The following FRMD5 variants were observed in gnomAD, a reference collection of about 807,000 sequenced individuals.
FRMD5 encodes FERM domain containing 5.
A neutral mutation model predicts 69.0 loss-of-function variants in FRMD5; 20 were observed. The ratio of observed to expected loss-of-function variants is 0.29; its 90% CI spans 0.20 to 0.42. FRMD5 has a LOEUF of 0.42. Ranked by LOEUF, FRMD5 falls within the 10% of genes least tolerant of loss-of-function variation. The pLI, the probability that FRMD5 is intolerant of heterozygous loss-of-function variation, is 1.00. For missense variants in FRMD5, 595 were observed against 708.6 expected, an observed-to-expected ratio of 0.84 and a Z score of 1.82; for synonymous variants, 271 against 260.1, an observed-to-expected ratio of 1.04 and a Z score of -0.40.
rs953503798 is a variant in FRMD5 at position 43,873,323 on chromosome 15, T to TAA, written c.*560_*561dup. ...CATTCTACATGGATGTTTACTTTTT[T>TAA]AAAAGTTCTGGCTGGCAAAAAAAAC... On this transcript the variant is annotated 3_prime_UTR_variant, in exon 14 of 14. Transcript: ENST00000417257. 145 of 1,502,252 alleles carry TAA rather than the reference T, an allele frequency of 9.7e-5. No homozygotes were observed. The African/African-American group carries it at 1.8e-3, about 19-fold the overall frequency. 93.1% of individuals were successfully genotyped at this position (1,502,252 alleles called of 1,614,324 possible). A position where few individuals can be genotyped will look rare whatever the true frequency, so the allele number is the denominator to read the frequency against.
upstream of FRMD5, among the ~76,000 whole-genome samples, chr15:44,196,502 A>AT (rs1323409094): frequency 2.6e-5 from 4 of 152,060 alleles, no homozygotes; most frequent in Non-Finnish European, 5.9e-5. Context: ...TAGAACATTA[A>AT]TGCTGTAATA....
At chr15:43,946,701 C>A (rs2089953273) in intron 1 of FRMD5, among the ~76,000 whole-genome samples, 1 of 152,128 alleles carries the variant, frequency 6.6e-6, no homozygotes, top group South Asian at 2.1e-4. Flanking sequence ...TGAAAGAGTT[C>A]TGCTAGATGG....
At chr15:44,178,783 A>G (rs2077945060) in intron 1 of FRMD5, among the ~76,000 whole-genome samples, 1 of 152,158 alleles carries the variant, frequency 6.6e-6, no homozygotes, top group Non-Finnish European at 1.5e-5. Flanking sequence ...ACCTGAGACC[A>G]GGAGTTCGAG....
chr15:43,969,701 G>A (rs1355202912), intron 1 of FRMD5, among the ~76,000 whole-genome samples: 2 of 152,112 alleles, frequency 1.3e-5, no homozygotes, highest in Middle Eastern at 3.2e-3. Flanking sequence ...AGCCCTGAGA[G>A]GACTGTACAT....
intron 1 of FRMD5, among the ~76,000 whole-genome samples, chr15:44,173,574 G>A (rs1204521016): frequency 6.6e-6 from 1 of 152,128 alleles, no homozygotes; most frequent in Non-Finnish European, 1.5e-5. Flanking sequence ...CTGGAGTGCA[G>A]TGGCACAATC....
chr15:44,057,413 T>C (rs1258460583), intron 1 of FRMD5, among the ~76,000 whole-genome samples: 2 of 152,186 alleles, frequency 1.3e-5, no homozygotes, highest in African/African-American at 4.8e-5. Context: ...GCTGAACTGT[T>C]CTATCTATCC....
At chr15:43,888,117 C>T (rs542725130) in intron 10 of FRMD5, 58 bp downstream of exon 10, 21 of 1,378,118 alleles carry the variant, frequency 1.5e-5, no homozygotes, top group South Asian at 1.3e-4. Flanking sequence ...CTCCTGTCAC[C>T]GACTCTCTCT....
At chr15:43,995,183 TA>T (rs1332617613) in intron 1 of FRMD5, among the ~76,000 whole-genome samples, 1 of 152,222 alleles carries the variant, frequency 6.6e-6, no homozygotes, top group Non-Finnish European at 1.5e-5. Flanking sequence ...ACATTTTAAA[TA>T]TCTAGATTAC....
At chr15:44,068,271 C>A (rs1344938178) in intron 1 of FRMD5, among the ~76,000 whole-genome samples, 1 of 152,052 alleles carries the variant, frequency 6.6e-6, no homozygotes, top group African/African-American at 2.4e-5. Context: ...AAACATATAG[C>A]CACACAAACT....
At chr15:43,888,945 A>C in intron 8 of FRMD5, 73 bp from the exon 9 acceptor site, 1 of 1,315,012 alleles carries the variant, frequency 7.6e-7, no homozygotes, top group Non-Finnish European at 1.1e-6. Flanking sequence ...GTAGATGCAC[A>C]GCCCACCCCA....
chr15:43,970,483 C>T (rs931217815), intron 1 of FRMD5, among the ~76,000 whole-genome samples: 4 of 152,106 alleles, frequency 2.6e-5, no homozygotes, highest in Admixed American at 6.5e-5. Flanking sequence ...TTGCTGTTGT[C>T]GTTGTTGAGA....
intron 1 of FRMD5, among the ~76,000 whole-genome samples, chr15:44,166,194 A>G (rs1218978749): frequency 6.6e-6 from 1 of 152,130 alleles, no homozygotes; most frequent in Non-Finnish European, 1.5e-5. Context: ...CATTTTTCAC[A>G]TGTTTATTAG....
At chr15:44,189,202 T>C (rs566699158) in intron 1 of FRMD5, among the ~76,000 whole-genome samples, 101 of 152,258 alleles carry the variant, frequency 6.6e-4, no homozygotes, top group African/African-American at 2.4e-3. Flanking sequence ...GATATGATAC[T>C]AGAAAGTTGG....
chr15:43,976,453 G>A (rs114628741), intron 1 of FRMD5, among the ~76,000 whole-genome samples: 76 of 152,230 alleles, frequency 5.0e-4, no homozygotes, highest in African/African-American at 1.5e-3. Flanking sequence ...AACAAGCAAC[G>A]CAATTTTTTT....
chr15:44,038,266 T>C (rs1298420761), intron 1 of FRMD5, among the ~76,000 whole-genome samples: 1 of 152,176 alleles, frequency 6.6e-6, no homozygotes, highest in Non-Finnish European at 1.5e-5. Context: ...TGATAGTTTC[T>C]TTTGCTGTGC....
At chr15:44,116,107 C>A (rs148493650) in intron 1 of FRMD5, among the ~76,000 whole-genome samples, 1 of 150,920 alleles carries the variant, frequency 6.6e-6, no homozygotes, top group Non-Finnish European at 1.5e-5. Context: ...GGAAGGAGTG[C>A]GATAAGGAAG....
chr15:43,946,542 G>A (rs1478689076), intron 1 of FRMD5, among the ~76,000 whole-genome samples: 1 of 152,170 alleles, frequency 6.6e-6, no homozygotes, highest in Non-Finnish European at 1.5e-5. Context: ...AGCCTCTGGG[G>A]TATCTCTAAC....
At chr15:44,158,084 G>T (rs920319067) in intron 1 of FRMD5, among the ~76,000 whole-genome samples, 1 of 152,134 alleles carries the variant, frequency 6.6e-6, no homozygotes, top group African/African-American at 2.4e-5. Context: ...TAAGGCAAAA[G>T]AAGTGACATA....
chr15:44,020,933 T>C (rs1566903297), intron 1 of FRMD5, among the ~76,000 whole-genome samples: 1 of 152,344 alleles, frequency 6.6e-6, no homozygotes, highest in East Asian at 1.9e-4. Flanking sequence ...ATATAATAGA[T>C]ACAAATATCT....
Sources: allele counts gnomAD v4.1 joint callset (sites outside exome capture counted in the v4.1 genomes callset), GRCh38; gene constraint gnomAD v4.1.1; transcripts MANE v1.5; gene names NCBI Gene and HGNC (gene_info 2026-07-23, HGNC 2026-07-21).